SERPINA6: variants seen among roughly 807,000 people sequenced by gnomAD.
SERPINA6 encodes the protein serpin family A member 6.
SERPINA6 carries 19 observed loss-of-function variants against 26.4 expected under a neutral mutation model. That is an observed-to-expected ratio of 0.72 (90% CI 0.50 to 1.06). SERPINA6 has a LOEUF of 1.06. Among genes scored for constraint, SERPINA6 ranks in the 50% least tolerant of loss-of-function variants. The pLI, the probability that SERPINA6 is intolerant of heterozygous loss-of-function variation, is 0.00. For missense variants in SERPINA6, 473 were observed against 504.0 expected (o/e 0.94, Z 0.59); for synonymous variants, 196 against 199.4 (o/e 0.98, Z 0.14).
rs778178707 is a variant in SERPINA6, at chr14:94,314,067, G to T, written c.582C>A (p.Ile194=). 3.1e-6 allele frequency: 5 copies of T among 1,614,070 alleles called. No homozygotes were observed. The highest frequency in any genetic ancestry group is 3.3e-5 in the Admixed American group (2 of 60,006). ...AGAAGATATAGTTGACCAGGACGAG[G>T]ATGGCTGGGCTATCCAGCCCTGAAA... ...DLFSGLDSPA[I]LVLVNYIFFK... The change falls in exon 2 of 5, where the codon ATC becomes ATA. Residue 194 remains isoleucine, a synonymous_variant. Transcript: ENST00000341584.
intron 2 of SERPINA6, among the ~76,000 whole-genome samples, chr14:94,312,116 C>T (rs926579296): frequency 3.3e-5 from 5 of 152,128 alleles, no homozygotes; most frequent in African/African-American, 1.2e-4. Context: ...CTCACGGATT[C>T]GTTTTGTTGT....
In SERPINA6 at chr14:94,314,684, G is replaced by T. The variant is rs374734475; in HGVS notation, c.-19-17C>A. On this transcript the variant is annotated splice_polypyrimidine_tract_variant and intron_variant, in intron 1 of 4. Coordinates refer to ENST00000341584, the MANE Select transcript of SERPINA6 (RefSeq NM_001756.4). ...AGCCAGGCCCTGCCAAATCAGAAAA[G>T]CTTGTTAGATGCTGTGGCAGTCTCT... The T allele has an allele frequency of 5.6e-6, 9 of 1,606,506 alleles. No individual in the cohort carries two copies. The African/African-American group carries it at 1.1e-4, about 19-fold the overall frequency.
At chr14:94,321,740 C>T (rs1895686681) in intron 1 of SERPINA6, among the ~76,000 whole-genome samples, 1 of 152,202 alleles carries the variant, frequency 6.6e-6, no homozygotes, top group African/African-American at 2.4e-5. Flanking sequence ...GGTCCCAGGT[C>T]ACCGCCTCCA....
rs149012523 is a variant in SERPINA6, at chr14:94,304,503, C to T, written c.1133G>A (p.Arg378His). ...CATGATGATGAAGGGCTGGTTGAAA[C>T]GCAAGATGATAGGCTTGGACGTCAG... ...LNLTSKPIIL[R>H]FNQPFIIMIF... is the part of the protein sequence containing the mutation. The change falls in exon 5 of 5, where the codon CGT becomes CAT. Residue 378 changes from arginine (R) to histidine (H), a missense_variant. Physicochemically the swap from Arg to His is conservative, Grantham distance 29. Transcript: ENST00000341584. 2.6e-5 allele frequency: 42 copies of T among 1,614,128 alleles called. No individual in the cohort carries two copies. The highest frequency in any genetic ancestry group is 6.7e-5 in the African/African-American group (5 of 75,010).
intron 1 of SERPINA6, among the ~76,000 whole-genome samples, chr14:94,320,810 A>G (rs1895674377): frequency 1.3e-5 from 2 of 151,954 alleles, no homozygotes. Flanking sequence ...GTGGAAAACA[A>G]CCCCTGTTGG....
intron 1 of SERPINA6, 185 bp from the exon 2 acceptor site, chr14:94,314,852 C>T (rs1261495823): frequency 3.1e-6 from 2 of 637,044 alleles, no homozygotes; most frequent in Non-Finnish European, 2.8e-6. Flanking sequence ...ATATGAATAA[C>T]AGCCGTTATG....
chr14:94,313,219 G>A (rs999957625), intron 2 of SERPINA6, among the ~76,000 whole-genome samples: 1 of 152,208 alleles, frequency 6.6e-6, no homozygotes, highest in African/African-American at 2.4e-5. Context: ...AAGAGGCCTG[G>A]GCTTTGTGGC....
intron 1 of SERPINA6, among the ~76,000 whole-genome samples, chr14:94,316,828 G>A (rs1895620857): frequency 6.6e-6 from 1 of 152,182 alleles, no homozygotes; most frequent in South Asian, 2.1e-4. Context: ...GGACATCTGT[G>A]TTTACCAGCC....
At chr14:94,311,480 C>T (rs921116391) in intron 2 of SERPINA6, among the ~76,000 whole-genome samples, 3 of 152,064 alleles carry the variant, frequency 2.0e-5, no homozygotes, top group African/African-American at 7.2e-5. Context: ...AAATGGGGTT[C>T]AGCCTCTACT....
intron 2 of SERPINA6, among the ~76,000 whole-genome samples, chr14:94,311,293 C>T (rs1253161614): frequency 6.6e-6 from 1 of 152,196 alleles, no homozygotes; most frequent in Non-Finnish European, 1.5e-5. Context: ...CTAAAATCCT[C>T]AGAACCAGAG....
Position 94,321,710 on chromosome 14 carries a change from A to T in SERPINA6, c.-20+1557T>A, listed in dbSNP as rs772841361. ...CTCCCTGCCTCATCTGGCTCACTCCATCTTGTCCTTTGAGACTCAGGTCCC... is the reference window on the plus strand; with the variant it reads ...CTCCCTGCCTCATCTGGCTCACTCCTTCTTGTCCTTTGAGACTCAGGTCCC... On this transcript the variant is annotated intron_variant, in intron 1 of 4. Coordinates refer to ENST00000341584, the MANE Select transcript of SERPINA6 (RefSeq NM_001756.4). Among the ~76,000 whole-genome samples the T allele has an allele frequency of 2.6e-5, 4 of 152,050 alleles. No individual in the cohort carries two copies. In the East Asian group the frequency reaches 5.8e-4, roughly 22 times the overall value.
chr14:94,305,712 T>C (rs748646200), intron 4 of SERPINA6, among the ~76,000 whole-genome samples: 1 of 152,214 alleles, frequency 6.6e-6, no homozygotes, highest in Non-Finnish European at 1.5e-5. Context: ...GAAGGCTCAA[T>C]ATGATCCCAA....
At chr14:94,318,210 C>T (rs998234225) in intron 1 of SERPINA6, among the ~76,000 whole-genome samples, 1 of 152,162 alleles carries the variant, frequency 6.6e-6, no homozygotes, top group African/African-American at 2.4e-5. Context: ...ATCCTGCATT[C>T]ATGGATTGGA....
rs761397086 is a variant in SERPINA6 at position 94,314,418 on chromosome 14, C to T, written c.231G>A (p.Leu77=). 12 of 1,614,160 alleles carry T rather than the reference C, an allele frequency of 7.4e-6. No homozygotes were observed. The highest frequency in any genetic ancestry group is 2.2e-5 in the South Asian group (2 of 91,088). Residue 77 remains leucine, a synonymous_variant, in exon 2 of 5, where the codon CTG becomes CTA. Transcript: ENST00000341584. ...GTGTGTGGCCACAGGTGCCCAGGGA[C>T]AGCATAGCTAAGGCCATGGAGATGC... ...PVSISMALAM[L]SLGTCGHTRA... is the part of the protein sequence containing the mutation.
chr14:94,313,709 G>A (rs899697736), intron 2 of SERPINA6, among the ~76,000 whole-genome samples: 1 of 152,148 alleles, frequency 6.6e-6, no homozygotes, highest in Non-Finnish European at 1.5e-5. Context: ...CTAGTTCTAG[G>A]CCATTTTTCC....
chr14:94,315,290 A>T (rs1425041285), intron 1 of SERPINA6, among the ~76,000 whole-genome samples: 1 of 1,636 alleles, frequency 6.1e-4, no homozygotes, highest in African/African-American at 0.019. Context: ...AACTGGAAAC[A>T]GGAACAGAGC....
rs1213142041 is a variant in SERPINA6 at position 94,304,401 on chromosome 14, T to C, written c.*17A>G. The C allele has an allele frequency of 1.2e-6, 2 of 1,613,484 alleles. No homozygotes were observed. Among genetic ancestry groups the C allele is most frequent in the Non-Finnish European group, 1.7e-6 (2 of 1,179,448 alleles). On this transcript the variant is annotated 3_prime_UTR_variant, in exon 5 of 5. Coordinates refer to ENST00000341584, the MANE Select transcript of SERPINA6 (RefSeq NM_001756.4). ...TCCCAAAGTCAGACAGTGCTGAGGCTCTGGGTGGGTGGTCTCTTACACTGG... is the reference window on the plus strand; with the variant it reads ...TCCCAAAGTCAGACAGTGCTGAGGCCCTGGGTGGGTGGTCTCTTACACTGG...
At chr14:94,319,188 C>T (rs1049400704) in intron 1 of SERPINA6, among the ~76,000 whole-genome samples, 1 of 152,160 alleles carries the variant, frequency 6.6e-6, no homozygotes, top group Middle Eastern at 3.2e-3. Flanking sequence ...CATGATGGCC[C>T]GTGCCTGTAA....
In SERPINA6 at chr14:94,304,574, A is replaced by T. The variant is rs1895408818; in HGVS notation, c.1062T>A (p.Asn354Lys). 2 of 1,614,054 alleles carry T rather than the reference A, an allele frequency of 1.2e-6. No individual in the cohort carries two copies. The highest frequency in any genetic ancestry group is 2.7e-5 in the African/African-American group (2 of 74,938). ...KVVHKAVLQLNEEGVDTAGST... is the reference protein window; with the variant it reads ...KVVHKAVLQLKEEGVDTAGST... ...AGCCAGCTGTGTCCACACCCTCCTC[A>T]TTGAGTTGCAGCACAGCTTTATGGA... The change falls in exon 5 of 5, where the codon AAT (asparagine) becomes AAA (lysine). Residue 354 changes from asparagine to lysine, a missense_variant. Physicochemically the swap from Asn to Lys is moderately conservative, Grantham distance 94 (BLOSUM62 0). Transcript: ENST00000341584.
Sources: gnomAD v4.1 joint callset for allele counts (sites outside exome capture counted in the v4.1 genomes callset) on GRCh38, gnomAD v4.1.1 for gene constraint, MANE v1.5 for transcripts, NCBI Gene and HGNC (gene_info 2026-07-23, HGNC 2026-07-21) for gene names.